Variants in DIP2C observed in about 807,000 individuals in gnomAD.
DIP2C encodes the protein disco-interacting protein 2 homolog C.
DIP2C carries 33 observed loss-of-function variants against 192.4 expected under a neutral mutation model. That is an observed-to-expected ratio of 0.17 (90% confidence interval 0.13 to 0.23). The LOEUF (loss-of-function observed/expected upper bound fraction) is 0.23, where lower values mean the gene tolerates loss of function less well. Among genes scored for constraint, DIP2C ranks in the 10% least tolerant of loss-of-function variants. DIP2C has a pLI of 1.00. For synonymous variants in DIP2C, 979 were observed against 864.1 expected (o/e 1.13, Z -2.33); for missense variants, 1,537 against 2,110.1 (o/e 0.73, Z 5.32).
chr10:649,873 C>A (rs1030143875), intron 1 of DIP2C: 7 of 545,342 alleles, frequency 1.3e-5, no homozygotes, highest in Admixed American at 3.5e-5. Flanking sequence ...TATTATCAAA[C>A]AGGTGCATGG....
At chr10:450,858 AGAC>A (rs1310249376) in intron 3 of DIP2C, among the ~76,000 whole-genome samples, 1 of 152,240 alleles carries the variant, frequency 6.6e-6, no homozygotes, top group Non-Finnish European at 1.5e-5. Flanking sequence ...GCAACTAAAA[AGAC>A]GAAGGAAATA....
intron 1 of DIP2C, among the ~76,000 whole-genome samples, chr10:564,878 ACT>A (rs1427507285): frequency 2.0e-5 from 3 of 152,196 alleles, no homozygotes; most frequent in Non-Finnish European, 2.9e-5. Flanking sequence ...TTCCTAGAAG[ACT>A]CACACACACA....
chr10:687,438 C>G (rs1831376810), intron 1 of DIP2C, among the ~76,000 whole-genome samples: 1 of 152,174 alleles, frequency 6.6e-6, no homozygotes, highest in South Asian at 2.1e-4. Context: ...TGCAGAGAGG[C>G]TGAATAGAGC....
intron 32 of DIP2C, among the ~76,000 whole-genome samples, chr10:305,163 CAT>C (rs1167122462): frequency 2.0e-5 from 3 of 152,220 alleles, no homozygotes; most frequent in African/African-American, 7.2e-5. Flanking sequence ...TGCACAAACT[CAT>C]ACTCTCATGC....
chr10:555,985 C>G (rs2130967464), intron 1 of DIP2C, among the ~76,000 whole-genome samples: 1 of 152,248 alleles, frequency 6.6e-6, no homozygotes, highest in East Asian at 1.9e-4. Context: ...GCCCCCAACA[C>G]ACCTCAAATT....
chr10:688,630 T>C (rs1455264157), intron 1 of DIP2C, among the ~76,000 whole-genome samples: 1 of 123,518 alleles, frequency 8.1e-6, no homozygotes, highest in East Asian at 2.8e-4. Context: ...TAAATGCACA[T>C]CAAACATTTC....
chr10:569,624 A>G (rs529870880), intron 1 of DIP2C, among the ~76,000 whole-genome samples: 1 of 152,320 alleles, frequency 6.6e-6, no homozygotes, highest in East Asian at 1.9e-4. Context: ...CAAAAACAAA[A>G]CAAATACCAC....
Position 674,789 on chromosome 10 carries a change from T to TATAG in DIP2C, c.85+14704_85+14705insCTAT. Among the ~76,000 whole-genome samples the TATAG allele has an allele frequency of 3.9e-3, 242 of 62,490 alleles. 1 individual carries two copies. Among genetic ancestry groups the TATAG allele is most frequent in the South Asian group, 4.9e-3 (9 of 1,834 alleles). The allele number at this position is 62,490 out of a possible 152,430, so 41.0% of individuals were successfully genotyped here. A position where few individuals can be genotyped will look rare whatever the true frequency, so the allele number is the denominator to read the frequency against. ...CATCTCAAATATATATATATATATATAGAGAGAGAGAGAGAGAGAGAGAGA... is the reference window on the plus strand; with the variant it reads ...CATCTCAAATATATATATATATATATATAGAGAGAGAGAGAGAGAGAGAGAGAGA... On this transcript the variant is annotated intron_variant, in intron 1 of 36. Coordinates refer to ENST00000280886, the MANE Select transcript of DIP2C (RefSeq NM_014974.3).
At chr10:387,936 C>T (rs956934713) in intron 13 of DIP2C, 127 bp from the exon 14 acceptor site, 2 of 1,122,098 alleles carry the variant, frequency 1.8e-6, no homozygotes, top group Non-Finnish European at 2.7e-6. Context: ...TTTGCCGTAT[C>T]TTGGTGGAAA....
chr10:626,641 C>G (rs1854222147), intron 1 of DIP2C, among the ~76,000 whole-genome samples: 1 of 152,156 alleles, frequency 6.6e-6, no homozygotes, highest in Non-Finnish European at 1.5e-5. Context: ...CCGGCCTATT[C>G]AGGACGGGGG....
intron 1 of DIP2C, among the ~76,000 whole-genome samples, chr10:571,700 C>G (rs938720739): frequency 1.3e-5 from 2 of 152,210 alleles, no homozygotes; most frequent in Non-Finnish European, 2.9e-5. Context: ...CACCTCATGA[C>G]CAGCTGCTGC....
intron 26 of DIP2C, 152 bp from the exon 27 acceptor site, chr10:345,262 G>C: frequency 1.3e-6 from 1 of 796,446 alleles, no homozygotes; most frequent in South Asian, 1.5e-5. Context: ...GCTAAGGTAG[G>C]ACAGAGCTAG....
chr10:289,654 G>A (rs1288595141), intron 32 of DIP2C, among the ~76,000 whole-genome samples: 1 of 152,220 alleles, frequency 6.6e-6, no homozygotes, highest in African/African-American at 2.4e-5. Context: ...GTACCAAGAA[G>A]GAGGATGAGG....
At chr10:302,883 TACA>T (rs1956117040) in intron 32 of DIP2C, among the ~76,000 whole-genome samples, 1 of 152,214 alleles carries the variant, frequency 6.6e-6, no homozygotes, top group Non-Finnish European at 1.5e-5. Flanking sequence ...CACAAAGGGC[TACA>T]ACATCACTGC....
At chr10:367,334 G>A (rs1476840065) in intron 18 of DIP2C, among the ~76,000 whole-genome samples, 7 of 151,506 alleles carry the variant, frequency 4.6e-5, no homozygotes, top group South Asian at 4.1e-4. Context: ...GGAGAATGGC[G>A]TGAACCCGGG....
intron 1 of DIP2C, among the ~76,000 whole-genome samples, chr10:546,346 C>T (rs573412446): frequency 1.3e-5 from 2 of 150,776 alleles, no homozygotes; most frequent in South Asian, 2.1e-4. Flanking sequence ...ATAAACAGCA[C>T]AGTCTTAAAG....
chr10:353,514 C>T (rs907492545), intron 24 of DIP2C, among the ~76,000 whole-genome samples: 13 of 152,204 alleles, frequency 8.5e-5, no homozygotes, highest in African/African-American at 3.1e-4. Context: ...TCCAGCCTCC[C>T]AAGTAGCTGG....
At chr10:395,985 G>GC (rs1963958626) in intron 10 of DIP2C, among the ~76,000 whole-genome samples, 1 of 152,070 alleles carries the variant, frequency 6.6e-6, no homozygotes, top group Non-Finnish European at 1.5e-5. Context: ...TGTGGACCCT[G>GC]CCCTGTGCAC....
intron 9 of DIP2C, 137 bp downstream of exon 9, chr10:408,789 G>A (rs1026923997): frequency 1.7e-5 from 12 of 705,010 alleles, no homozygotes; most frequent in African/African-American, 7.2e-5. Flanking sequence ...TAACTTACCA[G>A]GTAGCAGTTA....
Sources: gnomAD v4.1 joint callset for allele counts (sites outside exome capture counted in the v4.1 genomes callset) on GRCh38, gnomAD v4.1.1 for gene constraint, MANE v1.5 for transcripts, NCBI Gene and HGNC (gene_info 2026-07-23, HGNC 2026-07-21) for gene names.